PKNOX1: variants seen among roughly 807,000 people sequenced by gnomAD.
The protein encoded by PKNOX1 is PBX/knotted 1 homeobox 1.
Under a neutral mutation model 51.9 loss-of-function variants are expected in PKNOX1, and 15 were observed. The observed-to-expected ratio is 0.29, with a 90% CI of 0.19 to 0.45. PKNOX1 has a LOEUF of 0.45. Among genes scored for constraint, PKNOX1 ranks in the 20% least tolerant of loss-of-function variants. PKNOX1 has a pLI of 1.00. For synonymous variants in PKNOX1, 219 were observed against 211.1 expected, an observed-to-expected ratio of 1.04 and a Z score of -0.32; for missense variants, 462 against 547.5, an observed-to-expected ratio of 0.84 and a Z score of 1.56.
At chr21:42,984,974 C>CTTTTTTTTTTTTTTTTT (rs71195904) in intron 1 of PKNOX1, among the ~76,000 whole-genome samples, 5 of 58,000 alleles carry the variant, frequency 8.6e-5, no homozygotes, top group African/African-American at 3.6e-4. Flanking sequence ...ATTTTCTTTT[C>CTTTTTTTTTTTTTTTTT]TTTTTTTTTT....
At chr21:42,976,289 T>C (rs1364500768) in intron 1 of PKNOX1, among the ~76,000 whole-genome samples, 2 of 152,212 alleles carry the variant, frequency 1.3e-5, no homozygotes, top group African/African-American at 4.8e-5. Context: ...ATTTTAGTGC[T>C]AAAAATACTA....
At chr21:42,995,439 A>T (rs1978457269) in intron 1 of PKNOX1, among the ~76,000 whole-genome samples, 1 of 151,924 alleles carries the variant, frequency 6.6e-6, no homozygotes, top group Admixed American at 6.6e-5. Flanking sequence ...GCGCTTTGGG[A>T]GGCGGAGGTA....
intron 1 of PKNOX1, among the ~76,000 whole-genome samples, chr21:42,977,685 G>C (rs1338110885): frequency 1.3e-5 from 2 of 151,180 alleles, no homozygotes; most frequent in African/African-American, 4.9e-5. Flanking sequence ...GTAGCTGGGA[G>C]TACAGGCAGC....
At position 43,032,478 on chromosome 21, in the gene PKNOX1, C is replaced by T. The variant is rs758028180; in HGVS notation, c.*2377C>T. On this transcript the variant is annotated 3_prime_UTR_variant, in exon 11 of 11. Transcript: ENST00000291547. ...ATTTAAGAGTGCTGCCCCTGCCCGG[C>T]GCAGTAGGGCGTGCCTCTAGTTCCA... 4 of 262,400 alleles carry T rather than the reference C, an allele frequency of 1.5e-5. No individual in the cohort carries two copies. The highest frequency in any genetic ancestry group is 3.1e-5 in the Non-Finnish European group (4 of 128,194). The allele number at this position is 262,400 out of a possible 1,614,324, so 16.3% of individuals were successfully genotyped here. A position where few individuals can be genotyped will look rare whatever the true frequency, so the allele number is the denominator to read the frequency against.
At position 43,029,959 on chromosome 21, in the gene PKNOX1, G is replaced by T; in HGVS notation, c.1169G>T (p.Gly390Val). ...AGCCTTCAGTCTCTGTCCTCGGACG[G>T]GGCCACCCTGGCGGTGCAGCAGGTC... Reference protein sequence around the residue: ...VDSLQSLSSDGATLAVQQVMM... With the variant: ...VDSLQSLSSDVATLAVQQVMM... Residue 390 changes from glycine (G) to valine (V), a missense_variant, in exon 11 of 11, where the codon GGG (glycine) becomes GTG (valine). By Grantham distance (109) the Gly-to-Val change is moderately radical. Transcript: ENST00000291547. 6.2e-7 allele frequency: 1 copy of T among 1,614,124 alleles called. No individual in the cohort carries two copies. Among genetic ancestry groups the T allele is most frequent in the Non-Finnish European group, 8.5e-7 (1 of 1,180,026 alleles).
rs543366703 is a variant in PKNOX1 at position 43,018,234 on chromosome 21, C to A, written c.720+4C>A. ...AATTAGGATCCAGAACTCCCAGGTG[C>A]GTGCGCCATTTTATGGAAGGCTTTG... On this transcript the variant is annotated splice_donor_region_variant and intron_variant, in intron 7 of 10. Coordinates refer to ENST00000291547, the MANE Select transcript of PKNOX1 (RefSeq NM_004571.5). The A allele has an allele frequency of 6.2e-7, 1 of 1,604,562 alleles. No homozygotes were observed. The highest frequency in any genetic ancestry group is 1.3e-5 in the African/African-American group (1 of 74,700).
chr21:42,995,603 G>A (rs1460837242), intron 1 of PKNOX1, among the ~76,000 whole-genome samples: 1 of 150,078 alleles, frequency 6.7e-6, no homozygotes, highest in Non-Finnish European at 1.5e-5. Flanking sequence ...GCTTTAACCT[G>A]GGAGGTTGAG....
At chr21:42,985,063 C>T (rs1282467328) in intron 1 of PKNOX1, among the ~76,000 whole-genome samples, 2 of 130,978 alleles carry the variant, frequency 1.5e-5, no homozygotes, top group African/African-American at 2.9e-5. Flanking sequence ...TCTCGGCTCA[C>T]TGCAACCTCT....
chr21:43,018,095 C>T, intron 6 of PKNOX1, 38 bp from the exon 7 acceptor site: 1 of 667,828 alleles, frequency 1.5e-6, no homozygotes, highest in South Asian at 1.4e-5. Flanking sequence ...ATCATTGAGA[C>T]TTAAAAGCAG....
chr21:43,005,025 T>C (rs930858814), intron 2 of PKNOX1, among the ~76,000 whole-genome samples: 6 of 152,222 alleles, frequency 3.9e-5, no homozygotes, highest in Admixed American at 3.9e-4. Flanking sequence ...TTGTGTTCTG[T>C]GACCTGAATG....
intron 1 of PKNOX1, among the ~76,000 whole-genome samples, chr21:42,985,162 A>T (rs912377614): frequency 6.7e-6 from 1 of 149,786 alleles, no homozygotes; most frequent in African/African-American, 2.5e-5. Flanking sequence ...TAATTTTTGT[A>T]CTTGCAGTAG....
chr21:43,025,047 C>G, intron 9 of PKNOX1, 100 bp downstream of exon 9: 2 of 751,694 alleles, frequency 2.7e-6, no homozygotes, highest in Non-Finnish European at 4.5e-6. Flanking sequence ...AATAGGAGGT[C>G]TCTCTTTTTC....
chr21:43,018,047 CAAAAAAAAAA>C (rs60175567), intron 6 of PKNOX1, 76 bp from the exon 7 acceptor site: 225 of 279,936 alleles, frequency 8.0e-4, no homozygotes, highest in East Asian at 1.5e-3. Flanking sequence ...CCTGTCTCTA[CAAAAAAAAAA>C]AAAAAAAAAA....
intron 7 of PKNOX1, among the ~76,000 whole-genome samples, chr21:43,019,415 A>AAG (rs1328915466): frequency 4.0e-5 from 6 of 151,196 alleles, no homozygotes; most frequent in Admixed American, 3.3e-4. Flanking sequence ...TAAACAAAAA[A>AAG]AAAACACACA....
intron 2 of PKNOX1, among the ~76,000 whole-genome samples, chr21:43,007,273 A>G (rs1979029668): frequency 6.6e-6 from 1 of 152,224 alleles, no homozygotes; most frequent in Non-Finnish European, 1.5e-5. Flanking sequence ...AGCATTTCAC[A>G]GACATTGGTT....
intron 1 of PKNOX1, among the ~76,000 whole-genome samples, chr21:42,986,493 T>G (rs1305304197): frequency 6.6e-6 from 1 of 151,956 alleles, no homozygotes; most frequent in Non-Finnish European, 1.5e-5. Context: ...CGAGTGAGAC[T>G]TGGTCTCAAA....
intron 2 of PKNOX1, 142 bp downstream of exon 2, chr21:43,004,574 G>T (rs1184011448): frequency 3.8e-6 from 2 of 531,900 alleles, no homozygotes; most frequent in Non-Finnish European, 6.5e-6. Flanking sequence ...GTACATTCGT[G>T]TTCAGAAAAA....
intron 9 of PKNOX1, 71 bp downstream of exon 9, chr21:43,025,018 A>C: frequency 1.1e-6 from 1 of 917,230 alleles, no homozygotes; most frequent in South Asian, 1.4e-5. Context: ...GCACCAATAC[A>C]TGGTGAAATC....
Position 43,021,509 on chromosome 21 carries a change from G to T in PKNOX1, c.849+78G>T. ...TCTGGCTTATGTGTCATGGAAAAGG[G>T]TTACTTCTCTGGGCTCAGAAAATCA... On this transcript the variant is annotated intron_variant, in intron 8 of 10. Coordinates refer to ENST00000291547, the MANE Select transcript of PKNOX1 (RefSeq NM_004571.5). The surrounding 1 kb of genome is among the most constrained non-coding windows in gnomAD (Gnocchi z 4.6). 6.9e-7 allele frequency: 1 copy of T among 1,458,386 alleles called. No homozygotes were observed. The highest frequency in any genetic ancestry group is 2.4e-5 in the East Asian group (1 of 41,916). 90.3% of individuals were successfully genotyped at this position (1,458,386 alleles called of 1,614,324 possible). A position where few individuals can be genotyped will look rare whatever the true frequency, so the allele number is the denominator to read the frequency against.
Sources: gnomAD v4.1 joint callset for allele counts (sites outside exome capture counted in the v4.1 genomes callset) on GRCh38, gnomAD v4.1.1 for gene constraint, Gnocchi (gnomAD v3.1) non-coding constraint, MANE v1.5 for transcripts, NCBI Gene and HGNC (gene_info 2026-07-23, HGNC 2026-07-21) for gene names.